Variants in FAM90A20 observed in about 807,000 individuals in gnomAD.
The protein encoded by FAM90A20 is protein FAM90A20.
the FAM90A20 span, chr8:7,297,154 C>G: frequency 3.9e-6 from 6 of 1,529,400 alleles, 1 homozygote; most frequent in Non-Finnish European, 5.3e-6. Context: ...AAATGTCTGG[C>G]AGGGGCTCCG....
At chr8:7,297,327 C>G in the FAM90A20 span, 71 of 1,366,852 alleles carry the variant, frequency 5.2e-5, 3 homozygotes, top group Non-Finnish European at 6.7e-5. Flanking sequence ...CACAGCAGCC[C>G]TGAGGGTAGC....
the FAM90A20 span, chr8:7,296,996 G>T: frequency 1.7e-5 from 22 of 1,332,692 alleles, 2 homozygotes; most frequent in Middle Eastern, 2.5e-4. Context: ...GTCTTTGGAT[G>T]TGTTTGATTT....
the FAM90A20 span, among the ~76,000 whole-genome samples, chr8:7,296,690 C>G: frequency 1.5e-4 from 21 of 135,528 alleles, 7 homozygotes; most frequent in African/African-American, 6.4e-4. Context: ...AAGGCTAAAC[C>G]CAGGAACATG....
chr8:7,297,206 T>G, the FAM90A20 span: 4 of 1,532,508 alleles, frequency 2.6e-6, 1 homozygote, highest in African/African-American at 6.0e-5. Flanking sequence ...CAGTCTGAGC[T>G]CCTCCTCAAG....
chr8:7,295,759 A>G, the FAM90A20 span: 4 of 1,277,890 alleles, frequency 3.1e-6, 1 homozygote, highest in East Asian at 4.8e-5. Context: ...ACCTGAAACC[A>G]TGGAAGCCTG....
chr8:7,297,434 C>G, the FAM90A20 span: 79 of 1,556,096 alleles, frequency 5.1e-5, 4 homozygotes, highest in Non-Finnish European at 6.2e-5. Flanking sequence ...GACCTCACAG[C>G]CCTGCCCATC....
At chr8:7,295,524 T>G in the FAM90A20 span, 1 of 587,914 alleles carries the variant, frequency 1.7e-6, no homozygotes, top group Non-Finnish European at 3.0e-6. Flanking sequence ...GTCCCCTCTT[T>G]GGAATCCTTA....
At chr8:7,297,477 A>G in the FAM90A20 span, 7 of 1,541,230 alleles carry the variant, frequency 4.5e-6, no homozygotes, top group South Asian at 3.3e-5. Flanking sequence ...CTAGGCTCCA[A>G]TCTCAGCTTT....
At chr8:7,297,659 A>G in the FAM90A20 span, 1 of 1,387,498 alleles carries the variant, frequency 7.2e-7, no homozygotes, top group Non-Finnish European at 9.9e-7. Flanking sequence ...TGGACCAAGT[A>G]GGTCGCCCCA....
chr8:7,296,947 G>C, the FAM90A20 span: 3,043 of 921,654 alleles, frequency 3.3e-3, 337 homozygotes, highest in South Asian at 0.043. Context: ...AGGACCGCCT[G>C]TCGATACTGT....
At chr8:7,296,462 G>C in the FAM90A20 span, 6 of 696,528 alleles carry the variant, frequency 8.6e-6, 1 homozygote, top group South Asian at 4.2e-5. Flanking sequence ...TTTCCTTTCA[G>C]CTTCCCGTCT....
chr8:7,296,238 G>T, the FAM90A20 span: 1 of 679,682 alleles, frequency 1.5e-6, no homozygotes, highest in South Asian at 1.5e-5. Context: ...GGTTCTCCCT[G>T]TCTCCTGGGG....
At chr8:7,297,233 A>G in the FAM90A20 span, 2 of 1,508,306 alleles carry the variant, frequency 1.3e-6, no homozygotes, top group East Asian at 2.2e-5. Flanking sequence ...ACCAAAGGAA[A>G]GACAGACAGG....
At chr8:7,296,928 C>T in the FAM90A20 span, 2 of 750,820 alleles carry the variant, frequency 2.7e-6, no homozygotes, top group Non-Finnish European at 4.3e-6. Context: ...GGGTCTGTCC[C>T]TACTTCCAAG....
the FAM90A20 span, among the ~76,000 whole-genome samples, chr8:7,295,370 G>A: frequency 3.0e-5 from 2 of 66,254 alleles, no homozygotes; most frequent in East Asian, 7.1e-4. Context: ...GTGTAGCCAC[G>A]TTTGGCTGCG....
At chr8:7,295,608 C>G in the FAM90A20 span, 1 of 653,898 alleles carries the variant, frequency 1.5e-6, no homozygotes, top group South Asian at 1.5e-5. Flanking sequence ...CACTCACTGA[C>G]ATCACTTCCT....
chr8:7,297,297 T>G, the FAM90A20 span: 1 of 1,341,366 alleles, frequency 7.5e-7, no homozygotes, highest in Non-Finnish European at 1.0e-6. Flanking sequence ...CACGAGACTC[T>G]CCTCGTGGTG....
At chr8:7,297,688 G>C in the FAM90A20 span, 94 of 1,400,482 alleles carry the variant, frequency 6.7e-5, 7 homozygotes, top group Non-Finnish European at 7.7e-5. Flanking sequence ...GGAGGACACC[G>C]GCCCAGGTGC....
the FAM90A20 span, among the ~76,000 whole-genome samples, chr8:7,296,085 A>T: frequency 1.5e-5 from 2 of 130,636 alleles, 1 homozygote; most frequent in Non-Finnish European, 3.1e-5. Context: ...ATGGAATCCA[A>T]ATCACAGTCC....
Sources: allele counts gnomAD v4.1 joint callset (sites outside exome capture counted in the v4.1 genomes callset), GRCh38; gene constraint gnomAD v4.1.1; transcripts MANE v1.5; gene names NCBI Gene and HGNC (gene_info 2026-07-23, HGNC 2026-07-21).